LTBP1: variants seen among roughly 807,000 people sequenced by gnomAD.
LTBP1 encodes latent transforming growth factor beta binding protein 1, also known as latent-transforming growth factor beta-binding protein 1.
In LTBP1, 129 loss-of-function variants were observed where a neutral mutation model predicts 207.6. That is an observed-to-expected ratio of 0.62 (90% confidence interval 0.54 to 0.72). The LOEUF (loss-of-function observed/expected upper bound fraction) is 0.72. Among genes scored for constraint, LTBP1 ranks in the 30% least tolerant of loss-of-function variants. The pLI, the probability that LTBP1 is intolerant of heterozygous loss-of-function variation, is 0.00. For missense variants in LTBP1, 2,281 were observed against 2,217.2 expected (o/e 1.03, Z -0.58); for synonymous variants, 963 against 833.7 (o/e 1.16, Z -2.67).
intron 15 of LTBP1, among the ~76,000 whole-genome samples, chr2:33,266,102 C>T (rs1033688507): frequency 6.6e-6 from 1 of 152,238 alleles, no homozygotes; most frequent in Non-Finnish European, 1.5e-5. Context: ...TCACCACAGG[C>T]TCAGAAGTGC....
intron 31 of LTBP1, among the ~76,000 whole-genome samples, chr2:33,387,374 G>A (rs918355937): frequency 6.6e-6 from 1 of 152,252 alleles, no homozygotes; most frequent in African/African-American, 2.4e-5. Flanking sequence ...TCTGTTTGAA[G>A]TAGTTCTTTT....
intron 2 of LTBP1, among the ~76,000 whole-genome samples, chr2:33,014,717 TCA>T: frequency 6.6e-6 from 1 of 152,188 alleles, no homozygotes; most frequent in Non-Finnish European, 1.5e-5. Context: ...AAAAATACAA[TCA>T]CTGAACTTTT....
At position 32,973,132 on chromosome 2, in the gene LTBP1, A is replaced by T. The variant is rs115421659; in HGVS notation, c.565+24187A>T. ...CTATTCTGTTTTTTTTGTTGTTGAG[A>T]CTTCTGTGGATGTCTGTTAGGTCTA... On this transcript the variant is annotated intron_variant, in intron 2 of 33. Coordinates refer to ENST00000404816, the MANE Select transcript of LTBP1 (RefSeq NM_206943.4). Among the ~76,000 whole-genome samples the T allele has an allele frequency of 7.7e-3, 1,163 of 151,802 alleles. 14 individuals are homozygous for T. Among genetic ancestry groups the T allele is most frequent in the African/African-American group, 0.026 (1,068 of 41,392 alleles).
At chr2:33,275,183 C>G (rs896559325) in intron 17 of LTBP1, 93 bp downstream of exon 17, 1 of 1,448,008 alleles carries the variant, frequency 6.9e-7, no homozygotes, top group Non-Finnish European at 9.3e-7. Flanking sequence ...TCCAGACAAC[C>G]CAGAATTTTT....
At chr2:33,244,821 A>G (rs817536) in intron 10 of LTBP1, among the ~76,000 whole-genome samples, 94,966 of 152,042 alleles carry the variant, frequency 0.62, 30,643 homozygotes, top group East Asian at 0.91. Context: ...AATTTTAAGA[A>G]CAACTGTGTA....
At chr2:33,149,230 A>AG (rs2083307759) in intron 5 of LTBP1, among the ~76,000 whole-genome samples, 1 of 130,904 alleles carries the variant, frequency 7.6e-6, no homozygotes. Context: ...CAAAAAAACA[A>AG]AAAAAAAAAA....
chr2:33,313,923 A>C (rs1296890664), intron 23 of LTBP1, among the ~76,000 whole-genome samples: 2 of 152,214 alleles, frequency 1.3e-5, no homozygotes, highest in East Asian at 3.9e-4. Flanking sequence ...TGAACAGGTG[A>C]AACTTTCTCT....
intron 31 of LTBP1, among the ~76,000 whole-genome samples, chr2:33,377,048 T>C (rs1232386495): frequency 6.6e-6 from 1 of 152,180 alleles, no homozygotes; most frequent in Non-Finnish European, 1.5e-5. Context: ...ATTGTAGTCA[T>C]TGAAAGCAGA....
Position 33,282,062 on chromosome 2 carries a change from C to CATAT in LTBP1, c.3112+1928_3112+1931dup, listed in dbSNP as rs66505403. On this transcript the variant is annotated intron_variant, in intron 19 of 33. Transcript: ENST00000404816. ...AAATGAATTCTTATACCTATATGTG[C>CATAT]ATATATATATATATATATATATATA... Among the ~76,000 whole-genome samples, 1,226 of 142,840 alleles carry CATAT rather than the reference C, an allele frequency of 8.6e-3. 6 individuals carry two copies. Among genetic ancestry groups the CATAT allele is most frequent in the East Asian group, 0.018 (90 of 4,908 alleles). The allele number at this position is 142,840 out of a possible 152,430, so 93.7% of individuals were successfully genotyped here. A position where few individuals can be genotyped will look rare whatever the true frequency, so the allele number is the denominator to read the frequency against.
intron 32 of LTBP1, among the ~76,000 whole-genome samples, chr2:33,392,631 G>T (rs1320561021): frequency 1.3e-5 from 2 of 152,226 alleles, no homozygotes; most frequent in Non-Finnish European, 2.9e-5. Flanking sequence ...TAGCAGGCCA[G>T]ATTTGGACCA....
chr2:33,226,957 G>C (rs2091473413), intron 9 of LTBP1, among the ~76,000 whole-genome samples: 1 of 151,612 alleles, frequency 6.6e-6, no homozygotes, highest in South Asian at 2.1e-4. Context: ...GAATTTTTTT[G>C]TTCTTTTCTT....
chr2:33,326,430 C>A (rs982947219), intron 24 of LTBP1, among the ~76,000 whole-genome samples: 1 of 151,942 alleles, frequency 6.6e-6, no homozygotes, highest in African/African-American at 2.4e-5. Context: ...CCCCATTTTC[C>A]TGGTCATTCA....
chr2:33,324,695 CTA>C (rs1424157242), intron 24 of LTBP1, among the ~76,000 whole-genome samples: 89 of 140,158 alleles, frequency 6.3e-4, no homozygotes, highest in African/African-American at 2.4e-3. Context: ...TTACTGTATT[CTA>C]TCTTTTTTTT....
chr2:33,321,157 T>C (rs1390897944), intron 24 of LTBP1, among the ~76,000 whole-genome samples: 1 of 152,092 alleles, frequency 6.6e-6, no homozygotes, highest in East Asian at 1.9e-4. Context: ...ATTGAAAAAT[T>C]GAGCACTGCA....
intron 20 of LTBP1, 68 bp downstream of exon 20, chr2:33,293,350 C>G: frequency 2.0e-6 from 3 of 1,474,200 alleles, no homozygotes; most frequent in Non-Finnish European, 2.7e-6. Flanking sequence ...GAGCAATTAG[C>G]CTTAGAAAAG....
At chr2:32,996,060 G>A (rs1685220051) in intron 2 of LTBP1, among the ~76,000 whole-genome samples, 1 of 152,166 alleles carries the variant, frequency 6.6e-6, no homozygotes. Flanking sequence ...TAGTTACCAA[G>A]AACATCTTTT....
intron 3 of LTBP1, among the ~76,000 whole-genome samples, chr2:33,105,525 C>T (rs936544757): frequency 1.3e-5 from 2 of 151,914 alleles, no homozygotes; most frequent in African/African-American, 2.4e-5. Flanking sequence ...CAACCTCCAC[C>T]TCCTGGGTTG....
chr2:33,200,577 C>A lies in LTBP1; in HGVS notation c.1701+11726C>A, dbSNP rs866731833. On this transcript the variant is annotated intron_variant, in intron 7 of 33. Coordinates refer to ENST00000404816, the MANE Select transcript of LTBP1 (RefSeq NM_206943.4). ...GGACATAGGCTTGGGCAAGGACTTC[C>A]TGTCTAAAACACCAAAAGCAATGGC... 1.8e-3 allele frequency among the ~76,000 whole-genome samples: 269 copies of A among 151,752 alleles called. 2 individuals are homozygous for A. The Middle Eastern group carries it at 0.02, about 12-fold the overall frequency.
At chr2:33,164,275 G>T (rs1206315417) in intron 5 of LTBP1, among the ~76,000 whole-genome samples, 1 of 150,416 alleles carries the variant, frequency 6.6e-6, no homozygotes, top group East Asian at 2.0e-4. Context: ...CCCTGAACCT[G>T]GGAGGCGGAG....
Sources: allele counts gnomAD v4.1 joint callset (sites outside exome capture counted in the v4.1 genomes callset), GRCh38; gene constraint gnomAD v4.1.1; transcripts MANE v1.5; gene names NCBI Gene and HGNC (gene_info 2026-07-23, HGNC 2026-07-21).